AATF: variants seen among roughly 807,000 people sequenced by gnomAD.
The protein encoded by AATF is apoptosis antagonizing transcription factor.
Under a neutral mutation model 63.7 loss-of-function variants are expected in AATF, and 48 were observed. The observed-to-expected ratio is 0.75, with a 90% CI of 0.60 to 0.96. AATF has a LOEUF of 0.96. Ranked by LOEUF, AATF falls within the 40% of genes least tolerant of loss-of-function variation. AATF has a pLI of 0.00. For missense variants in AATF, 639 were observed against 685.7 expected (o/e 0.93, Z 0.76); for synonymous variants, 258 against 247.7 (o/e 1.04, Z -0.39).
At chr17:36,987,305 A>G (rs985155755) in intron 5 of AATF, among the ~76,000 whole-genome samples, 2 of 152,150 alleles carry the variant, frequency 1.3e-5, no homozygotes, top group Non-Finnish European at 2.9e-5. Flanking sequence ...GCACATTTTT[A>G]AAATATTAAT....
At chr17:36,994,221 C>T (rs1315516456) in intron 8 of AATF, among the ~76,000 whole-genome samples, 3 of 152,144 alleles carry the variant, frequency 2.0e-5, no homozygotes, top group African/African-American at 7.2e-5. Context: ...CTTGCTCTGT[C>T]CATACCTTTA....
chr17:36,949,025 C>A lies in AATF; in HGVS notation c.-101C>A. On this transcript the variant is annotated 5_prime_UTR_variant, in exon 1 of 12. Transcript: ENST00000619387. ...GCGGTCTCTGGCGGAGTCGGGGAATCGGATCAAGGCGAGAGGATCCGGCAG... is the reference window on the plus strand; with the variant it reads ...GCGGTCTCTGGCGGAGTCGGGGAATAGGATCAAGGCGAGAGGATCCGGCAG... 8.9e-7 allele frequency: 1 copy of A among 1,121,936 alleles called. No individual in the cohort carries two copies. Among genetic ancestry groups the A allele is most frequent in the South Asian group, 1.5e-5 (1 of 67,998 alleles). The allele number at this position is 1,121,936 out of a possible 1,614,324, so 69.5% of individuals were successfully genotyped here.
At chr17:37,007,990 C>T (rs975931485) in intron 8 of AATF, among the ~76,000 whole-genome samples, 10 of 152,118 alleles carry the variant, frequency 6.6e-5, no homozygotes, top group African/African-American at 2.2e-4. Flanking sequence ...GTATGACTTA[C>T]CATTTTTGCG....
intron 8 of AATF, among the ~76,000 whole-genome samples, chr17:37,016,116 G>A (rs947933493): frequency 6.6e-6 from 1 of 152,126 alleles, no homozygotes; most frequent in African/African-American, 2.4e-5. Context: ...TTCACTCTGG[G>A]CATTTGGGTG....
intron 4 of AATF, among the ~76,000 whole-genome samples, chr17:36,983,243 A>C (rs928283735): frequency 1.3e-5 from 2 of 152,006 alleles, no homozygotes; most frequent in African/African-American, 4.8e-5. Flanking sequence ...GGGTCTTCCT[A>C]CATTGTCCGG....
At chr17:36,990,395 T>C (rs574670147) in intron 7 of AATF, among the ~76,000 whole-genome samples, 1 of 152,336 alleles carries the variant, frequency 6.6e-6, no homozygotes, top group African/African-American at 2.4e-5. Flanking sequence ...CGTATAAATA[T>C]ATGGGTAGAT....
rs117354741 is a variant in AATF at position 37,038,520 on chromosome 17, G to T, written c.1619+6835G>T. Among the ~76,000 whole-genome samples, 1,427 of 152,254 alleles carry T rather than the reference G, an allele frequency of 9.4e-3. 6 individuals carry two copies. Among genetic ancestry groups the T allele is most frequent in the Non-Finnish European group, 0.014 (945 of 68,020 alleles). On this transcript the variant is annotated intron_variant, in intron 11 of 11. Transcript: ENST00000619387. ...TGCATGCCAAAGAAAATAGGTGTTTGCCTTGCATTAAATGCTGCTTCAAGG... is the reference window on the plus strand; with the variant it reads ...TGCATGCCAAAGAAAATAGGTGTTTTCCTTGCATTAAATGCTGCTTCAAGG...
Position 36,949,176 on chromosome 17 carries a change from G to A in AATF, c.51G>A (p.Pro17=), listed in dbSNP as rs1201662502. ...LALQLEQLLN[P]RPSEADPEAD... ...TGCAACTGGAACAGTTGTTGAACCC[G>A]CGACCAAGCGAGGCGGACCCTGAAG... Residue 17 remains proline, a synonymous_variant, in exon 1 of 12, where the codon CCG becomes CCA. Coordinates refer to ENST00000619387, the MANE Select transcript of AATF (RefSeq NM_012138.4). 2.5e-6 allele frequency: 4 copies of A among 1,593,250 alleles called. No homozygotes were observed. Among genetic ancestry groups the A allele is most frequent in the Non-Finnish European group, 3.4e-6 (4 of 1,171,616 alleles).
intron 10 of AATF, among the ~76,000 whole-genome samples, chr17:37,022,812 GT>G (rs2071482890): frequency 6.6e-6 from 1 of 152,138 alleles, no homozygotes; most frequent in African/African-American, 2.4e-5. Context: ...CTGTACAAGT[GT>G]TTGTTGCCAT....
chr17:36,997,506 A>G (rs2071263203), intron 8 of AATF, among the ~76,000 whole-genome samples: 1 of 152,214 alleles, frequency 6.6e-6, no homozygotes, highest in South Asian at 2.1e-4. Flanking sequence ...GGGAAATGCA[A>G]ATCGAAAGCA....
intron 11 of AATF, among the ~76,000 whole-genome samples, chr17:37,049,234 A>G (rs1224130037): frequency 2.6e-5 from 4 of 152,114 alleles, no homozygotes; most frequent in African/African-American, 7.2e-5. Context: ...ATGCCATATA[A>G]AAGCATTCGC....
At chr17:36,973,908 T>C (rs2071059362) in intron 4 of AATF, among the ~76,000 whole-genome samples, 1 of 152,088 alleles carries the variant, frequency 6.6e-6, no homozygotes, top group Admixed American at 6.5e-5. Context: ...CTGTCTCTAC[T>C]AAAAATACAG....
intron 4 of AATF, among the ~76,000 whole-genome samples, chr17:36,981,242 G>T (rs571724485): frequency 6.6e-6 from 1 of 152,136 alleles, no homozygotes; most frequent in Non-Finnish European, 1.5e-5. Context: ...TCTTTTGTTG[G>T]ATATTTTCAC....
At chr17:36,992,262 ATAAG>A in intron 8 of AATF, among the ~76,000 whole-genome samples, 1 of 152,288 alleles carries the variant, frequency 6.6e-6, no homozygotes, top group South Asian at 2.1e-4. Flanking sequence ...AATTATTGCC[ATAAG>A]TAAGTCTTAA....
At chr17:36,965,566 T>G (rs2070984876) in intron 4 of AATF, among the ~76,000 whole-genome samples, 1 of 152,244 alleles carries the variant, frequency 6.6e-6, no homozygotes, top group Admixed American at 6.5e-5. Context: ...GGACCATTAT[T>G]CAGCCTACTA....
At chr17:36,971,594 T>TG (rs1338087929) in intron 4 of AATF, among the ~76,000 whole-genome samples, 1 of 152,154 alleles carries the variant, frequency 6.6e-6, no homozygotes, top group Non-Finnish European at 1.5e-5. Flanking sequence ...CCTAGAAAAA[T>TG]GAAGACATAC....
intron 8 of AATF, among the ~76,000 whole-genome samples, chr17:37,012,756 G>A (rs1326451845): frequency 6.6e-6 from 1 of 152,196 alleles, no homozygotes; most frequent in Non-Finnish European, 1.5e-5. Flanking sequence ...AGTGGGGTAA[G>A]TAGTCTTTTC....
intron 8 of AATF, among the ~76,000 whole-genome samples, chr17:37,004,296 A>C (rs1203487804): frequency 6.6e-6 from 1 of 152,122 alleles, no homozygotes; most frequent in Non-Finnish European, 1.5e-5. Context: ...GCACCATTGC[A>C]CTCCAGCCTA....
rs1293013873 is a variant in AATF, at chr17:37,001,443, GGAAGGAAGGAAGA to G, written c.1398+10587_1398+10599del. Among the ~76,000 whole-genome samples, 1,101 of 123,694 alleles carry G rather than the reference GGAAGGAAGGAAGA, an allele frequency of 8.9e-3. 13 individuals carry two copies. Among genetic ancestry groups the G allele is most frequent in the Non-Finnish European group, 0.011 (690 of 60,962 alleles). The allele number at this position is 123,694 out of a possible 152,430, so 81.1% of individuals were successfully genotyped here. A position where few individuals can be genotyped will look rare whatever the true frequency, so the allele number is the denominator to read the frequency against. Reference sequence around the variant, plus strand: ...AGGAAGGAAGGAAGGAAGGAAGGAAGGAAGGAAGGAAGAAAAAAAAAAAAAAGGAACATAAAAA... The same window carrying G: ...AGGAAGGAAGGAAGGAAGGAAGGAAGAAAAAAAAAAAAAGGAACATAAAAA... On this transcript the variant is annotated intron_variant, in intron 8 of 11. Transcript: ENST00000619387.
Sources: allele counts gnomAD v4.1 joint callset (sites outside exome capture counted in the v4.1 genomes callset), GRCh38; gene constraint gnomAD v4.1.1; transcripts MANE v1.5; gene names NCBI Gene and HGNC (gene_info 2026-07-23, HGNC 2026-07-21).